SMURF1: variants seen among roughly 807,000 people sequenced by gnomAD.
SMURF1 encodes the protein SMAD specific E3 ubiquitin protein ligase 1.
Under a neutral mutation model 98.0 loss-of-function variants are expected in SMURF1, and 44 were observed. That is an observed-to-expected ratio of 0.45 (90% CI 0.35 to 0.58). SMURF1 has a LOEUF of 0.58. Among genes scored for constraint, SMURF1 ranks in the 20% least tolerant of loss-of-function variants. SMURF1 has a pLI of 0.00. For missense variants in SMURF1, 687 were observed against 938.4 expected, an observed-to-expected ratio of 0.73 and a Z score of 3.50; for synonymous variants, 396 against 374.9, an observed-to-expected ratio of 1.06 and a Z score of -0.65.
chr7:99,038,727 C>T (rs889237072), intron 13 of SMURF1, among the ~76,000 whole-genome samples: 3 of 152,150 alleles, frequency 2.0e-5, no homozygotes, highest in Admixed American at 2.0e-4. Context: ...GATGTCCCGG[C>T]TCCTGGCTTC....
chr7:99,042,153 T>A lies in SMURF1; in HGVS notation c.1336A>T (p.Met446Leu). 6.2e-7 allele frequency: 1 copy of A among 1,614,110 alleles called. No homozygotes were observed. The highest frequency in any genetic ancestry group is 8.5e-7 in the Non-Finnish European group (1 of 1,179,988). ...LFQYSTDNIY[M>L]LQINPDSSIN... is the part of the protein sequence containing the mutation. ...GAAGAATCCGGATTTATTTGCAACA[T>A]GTAAATATTGTCCGTAGAATACTGG... The change falls in exon 12 of 18, where the codon ATG (methionine) becomes TTG (leucine). Residue 446 changes from methionine to leucine, a missense_variant. By Grantham distance (15) the Met-to-Leu change is conservative. Around this residue, in one of 2 missense-constraint regions of SMURF1, gnomAD observed 272 missense variants for 430.0 expected, o/e 0.63. Coordinates refer to ENST00000361368, the MANE Select transcript of SMURF1 (RefSeq NM_181349.3).
At chr7:99,142,788 G>A (rs1798159548) in intron 1 of SMURF1, among the ~76,000 whole-genome samples, 1 of 151,190 alleles carries the variant, frequency 6.6e-6, no homozygotes, top group Admixed American at 6.6e-5. Flanking sequence ...GGAGGGAGCA[G>A]GTGGGAGGGA....
At chr7:99,044,948 C>A (rs1030384203) in intron 11 of SMURF1, among the ~76,000 whole-genome samples, 2 of 152,172 alleles carry the variant, frequency 1.3e-5, no homozygotes, top group African/African-American at 4.8e-5. Context: ...CCAGCCTGGG[C>A]AACATAGTAA....
chr7:99,078,468 C>T (rs1796511314), intron 1 of SMURF1, among the ~76,000 whole-genome samples: 1 of 152,154 alleles, frequency 6.6e-6, no homozygotes, highest in Non-Finnish European at 1.5e-5. Flanking sequence ...CAGCTCTACT[C>T]ACAAAAGGAA....
intron 1 of SMURF1, among the ~76,000 whole-genome samples, chr7:99,083,838 T>G (rs1381241056): frequency 6.6e-6 from 1 of 152,224 alleles, no homozygotes; most frequent in Non-Finnish European, 1.5e-5. Context: ...TTTTGGGTCT[T>G]TCTTTGTGTT....
At chr7:99,057,182 T>C (rs746120624) in intron 5 of SMURF1, 23 bp downstream of exon 5, 35 of 1,613,236 alleles carry the variant, frequency 2.2e-5, no homozygotes, top group Non-Finnish European at 2.8e-5. Flanking sequence ...AGCATCTCTT[T>C]ACACAGACAA....
Position 99,060,591 on chromosome 7 carries a change from C to T in SMURF1, c.203+8G>A, listed in dbSNP as rs1442867166. On this transcript the variant is annotated splice_region_variant and intron_variant, in intron 3 of 17. Coordinates refer to ENST00000361368, the MANE Select transcript of SMURF1 (RefSeq NM_181349.3). ...CTCCGCATGGGGCTTACAGAACATT[C>T]AACTCACAGATCATAGTGCTGGTTC... 3.7e-6 allele frequency: 6 copies of T among 1,607,026 alleles called. No individual in the cohort carries two copies. Among genetic ancestry groups the T allele is most frequent in the South Asian group, 1.1e-5 (1 of 90,808 alleles).
intron 1 of SMURF1, among the ~76,000 whole-genome samples, chr7:99,076,686 G>T (rs776095311): frequency 6.6e-6 from 1 of 152,240 alleles, no homozygotes; most frequent in Non-Finnish European, 1.5e-5. Flanking sequence ...ACTTGAGTTA[G>T]TAACAGTGTA....
chr7:99,054,912 A>G (rs754912324), intron 5 of SMURF1, 47 bp from the exon 6 acceptor site: 6 of 1,523,166 alleles, frequency 3.9e-6, no homozygotes, highest in African/African-American at 1.4e-5. Context: ...CGGGGTTTAC[A>G]TAATTATAAT....
chr7:99,041,283 T>A (rs1342696243), intron 12 of SMURF1, among the ~76,000 whole-genome samples: 1 of 152,078 alleles, frequency 6.6e-6, no homozygotes, highest in Non-Finnish European at 1.5e-5. Context: ...GGGTCTGTGA[T>A]CCCAGCTACT....
intron 1 of SMURF1, among the ~76,000 whole-genome samples, chr7:99,089,454 C>T (rs1041162047): frequency 4.6e-5 from 7 of 151,792 alleles, no homozygotes; most frequent in African/African-American, 1.7e-4. Flanking sequence ...GCCTGGGAAA[C>T]ATGGTGAAAC....
intron 1 of SMURF1, among the ~76,000 whole-genome samples, chr7:99,062,863 A>C (rs2150544615): frequency 6.6e-6 from 1 of 152,162 alleles, no homozygotes; most frequent in Admixed American, 6.5e-5. Context: ...AAAAGAACTA[A>C]GCACAGTGTT....
intron 8 of SMURF1, chr7:99,050,727 T>G: frequency 1.8e-6 from 1 of 544,766 alleles, no homozygotes; most frequent in Non-Finnish European, 3.3e-6. Context: ...TACTGAGTCA[T>G]ACATTAAACA....
chr7:99,117,000 A>G (rs764229877), intron 1 of SMURF1, among the ~76,000 whole-genome samples: 4 of 152,220 alleles, frequency 2.6e-5, no homozygotes, highest in Admixed American at 2.0e-4. Flanking sequence ...GAGAGACATT[A>G]TAGATCAACA....
chr7:99,040,587 T>TC (rs759255423), intron 12 of SMURF1, 31 bp from the exon 13 acceptor site: 1 of 1,395,656 alleles, frequency 7.2e-7, no homozygotes, highest in South Asian at 1.8e-5. Context: ...CACGAATTTG[T>TC]CAGCATGGTG....
chr7:99,090,449 G>A lies in SMURF1; in HGVS notation c.56-28612C>T, dbSNP rs972976192. Among the ~76,000 whole-genome samples the A allele has an allele frequency of 2.6e-5, 4 of 152,006 alleles. No homozygotes were observed. The East Asian group carries it at 7.7e-4, about 29-fold the overall frequency. On this transcript the variant is annotated intron_variant, in intron 1 of 17. Transcript: ENST00000361368. ...CCCTCTTATCTCTCCCTCCCACATAGACCCATAATCCCCTTACAGTCAATT... is the reference window on the plus strand; with the variant it reads ...CCCTCTTATCTCTCCCTCCCACATAAACCCATAATCCCCTTACAGTCAATT...
rs374995118 is a variant in SMURF1, at chr7:99,030,424, T to C, written c.*160A>G. 8.4e-4 allele frequency: 531 copies of C among 632,298 alleles called. 9 individuals carry two copies. The South Asian group carries it at 9.9e-3, about 12-fold the overall frequency. The allele number at this position is 632,298 out of a possible 1,614,324, so 39.2% of individuals were successfully genotyped here. Reference sequence around the variant, plus strand: ...TATGGGTGGGAGCCACCAACAAAAGTCCCCCATCCCCCTCCCCCAACAGAA... The same window carrying C: ...TATGGGTGGGAGCCACCAACAAAAGCCCCCCATCCCCCTCCCCCAACAGAA... On this transcript the variant is annotated 3_prime_UTR_variant, in exon 18 of 18. Coordinates refer to ENST00000361368, the MANE Select transcript of SMURF1 (RefSeq NM_181349.3).
chr7:99,082,890 C>T (rs1314843062), intron 1 of SMURF1, among the ~76,000 whole-genome samples: 2 of 152,186 alleles, frequency 1.3e-5, no homozygotes, highest in Non-Finnish European at 2.9e-5. Flanking sequence ...TAGTTAGGTC[C>T]TCTTTCATTT....
intron 5 of SMURF1, among the ~76,000 whole-genome samples, chr7:99,055,239 G>A (rs1474280201): frequency 6.6e-6 from 1 of 151,978 alleles, no homozygotes; most frequent in Non-Finnish European, 1.5e-5. Context: ...AGGCCAAGAA[G>A]GGAGGATCGC....
Sources: allele counts gnomAD v4.1 joint callset (sites outside exome capture counted in the v4.1 genomes callset), GRCh38; gene constraint gnomAD v4.1.1; regional missense constraint gnomAD v4.1.1; transcripts MANE v1.5; gene names NCBI Gene and HGNC (gene_info 2026-07-23, HGNC 2026-07-21).